The following NBEA variants were observed in gnomAD, a reference collection of about 807,000 sequenced individuals.
The protein encoded by NBEA is lysosomal-trafficking regulator 2.
NBEA carries 44 observed loss-of-function variants against 343.4 expected under a neutral mutation model. The ratio of observed to expected loss-of-function variants is 0.13; its 90% CI spans 0.10 to 0.16. The LOEUF (loss-of-function observed/expected upper bound fraction) is 0.16, where lower values mean the gene tolerates loss of function less well. Ranked by LOEUF, NBEA falls within the 10% of genes least tolerant of loss-of-function variation. NBEA has a pLI of 1.00. For synonymous variants in NBEA, 1,175 were observed against 1,238.7 expected (o/e 0.95, Z 1.08); for missense variants, 2,555 against 3,631.3 (o/e 0.70, Z 7.62).
At chr13:35,503,319 C>T (rs2076957703) in intron 41 of NBEA, among the ~76,000 whole-genome samples, 1 of 151,674 alleles carries the variant, frequency 6.6e-6, no homozygotes, top group African/African-American at 2.4e-5. Context: ...AAATACTATA[C>T]ATTTTCAATG....
At chr13:35,653,601 G>A (rs1421471259) in intron 53 of NBEA, among the ~76,000 whole-genome samples, 2 of 152,144 alleles carry the variant, frequency 1.3e-5, no homozygotes, top group African/African-American at 2.4e-5. Flanking sequence ...AGAGTCCTGG[G>A]ATTACAGACG....
At position 35,157,398 on chromosome 13, in the gene NBEA, A is replaced by G. The variant is rs181174219; in HGVS notation, c.2844+128A>G. ...ACAGATTCCTGTATCTCAGTTTTGT[A>G]TTTTTCCCTCATTGTTCATAGACTG... On this transcript the variant is annotated intron_variant, in intron 21 of 58. Coordinates refer to ENST00000379939, the MANE Select transcript of NBEA (RefSeq NM_001385012.1). 5.7e-6 allele frequency: 4 copies of G among 705,848 alleles called. No individual in the cohort carries two copies. In the African/African-American group the frequency reaches 7.4e-5, roughly 13 times the overall value. 43.7% of individuals were successfully genotyped at this position (705,848 alleles called of 1,614,324 possible).
At chr13:35,391,072 C>T (rs989929208) in intron 38 of NBEA, among the ~76,000 whole-genome samples, 3 of 152,086 alleles carry the variant, frequency 2.0e-5, no homozygotes, top group Middle Eastern at 3.4e-3. Flanking sequence ...GTCAAAAGTT[C>T]AAGACCAGCC....
intron 2 of NBEA, among the ~76,000 whole-genome samples, chr13:35,041,872 C>T (rs1385116236): frequency 2.0e-5 from 3 of 151,938 alleles, no homozygotes; most frequent in Admixed American, 6.6e-5. Flanking sequence ...GAGCAAATAT[C>T]ATTCCAGAAA....
chr13:35,323,633 G>A (rs2038334938), intron 36 of NBEA, among the ~76,000 whole-genome samples: 2 of 151,538 alleles, frequency 1.3e-5, no homozygotes, highest in South Asian at 2.1e-4. Context: ...GTTAGTGGGT[G>A]CAGCACACCA....
At chr13:35,463,347 G>A (rs1217610508) in intron 40 of NBEA, among the ~76,000 whole-genome samples, 4 of 152,198 alleles carry the variant, frequency 2.6e-5, no homozygotes, top group African/African-American at 9.6e-5. Context: ...TGCAGGCCAG[G>A]TGCGGTGGCT....
intron 34 of NBEA, among the ~76,000 whole-genome samples, chr13:35,271,311 C>T (rs755564921): frequency 1.1e-4 from 16 of 152,188 alleles, no homozygotes; most frequent in Admixed American, 2.0e-4. Context: ...ATAACATCAA[C>T]GTAAACAAAA....
chr13:35,616,004 T>A (rs1285128210), intron 48 of NBEA, among the ~76,000 whole-genome samples: 2 of 152,180 alleles, frequency 1.3e-5, no homozygotes, highest in Non-Finnish European at 1.5e-5. Context: ...TGAGAGGAAG[T>A]GTGTCCTCCT....
chr13:35,080,310 A>C (rs1158269657), intron 10 of NBEA, among the ~76,000 whole-genome samples: 1 of 152,162 alleles, frequency 6.6e-6, no homozygotes, highest in Non-Finnish European at 1.5e-5. Flanking sequence ...CTATTAATGC[A>C]TCCAGCATTT....
intron 38 of NBEA, among the ~76,000 whole-genome samples, chr13:35,366,043 G>T (rs1287276023): frequency 6.6e-6 from 1 of 151,560 alleles, no homozygotes; most frequent in East Asian, 1.9e-4. Context: ...TGGATACATT[G>T]TAGAGAGAGA....
intron 30 of NBEA, chr13:35,185,416 A>AT (rs1440093519): frequency 6.6e-6 from 1 of 152,176 alleles, no homozygotes; most frequent in Non-Finnish European, 1.5e-5. Context: ...TACAAATATT[A>AT]TTTTTTATAA....
At chr13:35,585,879 C>G (rs1300126433) in intron 46 of NBEA, among the ~76,000 whole-genome samples, 2 of 152,170 alleles carry the variant, frequency 1.3e-5, no homozygotes, top group East Asian at 3.9e-4. Flanking sequence ...ATATCTCTAT[C>G]TCCTTTTCTG....
intron 35 of NBEA, among the ~76,000 whole-genome samples, chr13:35,308,448 ATATATATATATATATATATATATATG>A (rs1364765300): frequency 1.8e-5 from 2 of 112,628 alleles, no homozygotes; most frequent in African/African-American, 4.3e-5. Context: ...CTATATATAT[ATATATATATATATATATATATATATG>A]TATATATATA....
intron 16 of NBEA, among the ~76,000 whole-genome samples, chr13:35,120,241 A>G (rs1017803086): frequency 4.6e-5 from 7 of 152,142 alleles, no homozygotes; most frequent in African/African-American, 1.7e-4. Context: ...GACCTTTAGG[A>G]TTTACATGTA....
At chr13:35,001,860 G>A (rs1188525645) in intron 1 of NBEA, among the ~76,000 whole-genome samples, 2 of 152,128 alleles carry the variant, frequency 1.3e-5, no homozygotes, top group African/African-American at 2.4e-5. Flanking sequence ...AGTGATAGAT[G>A]TGCTAATTGT....
intron 13 of NBEA, among the ~76,000 whole-genome samples, 174 bp downstream of exon 13, chr13:35,111,152 A>G (rs1301536156): frequency 6.6e-6 from 1 of 152,200 alleles, no homozygotes; most frequent in Non-Finnish European, 1.5e-5. Context: ...GCTTTTCAAT[A>G]TTAAATTATT....
At chr13:35,415,948 A>T (rs2152920201) in intron 38 of NBEA, among the ~76,000 whole-genome samples, 1 of 152,290 alleles carries the variant, frequency 6.6e-6, no homozygotes, top group South Asian at 2.1e-4. Flanking sequence ...GAGATCCTTC[A>T]CATCCCTTGT....
intron 41 of NBEA, among the ~76,000 whole-genome samples, chr13:35,491,568 A>G (rs994162187): frequency 2.6e-5 from 4 of 151,806 alleles, no homozygotes; most frequent in African/African-American, 7.2e-5. Context: ...TGTGTACCCA[A>G]TATCCAGAGT....
chr13:35,021,914 T>C (rs968208715), intron 1 of NBEA, among the ~76,000 whole-genome samples: 2 of 152,180 alleles, frequency 1.3e-5, no homozygotes, highest in African/African-American at 4.8e-5. Context: ...CTTAACATTC[T>C]GGTGCTCTTC....
Sources: allele counts gnomAD v4.1 joint callset (sites outside exome capture counted in the v4.1 genomes callset), GRCh38; gene constraint gnomAD v4.1.1; transcripts MANE v1.5; gene names NCBI Gene and HGNC (gene_info 2026-07-23, HGNC 2026-07-21).